The following CAB39L variants were observed in gnomAD, a reference collection of about 807,000 sequenced individuals.
CAB39L encodes the protein calcium binding protein 39 like, also known as calcium-binding protein 39-like.
CAB39L carries 23 observed loss-of-function variants against 39.1 expected under a neutral mutation model. The observed-to-expected ratio is 0.59, with a 90% CI of 0.42 to 0.83. The LOEUF is 0.83. CAB39L is among the 40% of genes least tolerant of loss of function. The pLI is 0.00. For missense variants in CAB39L, 366 were observed against 391.9 expected, an observed-to-expected ratio of 0.93 and a Z score of 0.56; for synonymous variants, 126 against 137.2, an observed-to-expected ratio of 0.92 and a Z score of 0.57.
At chr13:49,314,163 G>A (rs147159996) in intron 10 of CAB39L, among the ~76,000 whole-genome samples, 110 of 152,260 alleles carry the variant, frequency 7.2e-4, no homozygotes, top group African/African-American at 2.3e-3. Flanking sequence ...GGGACAGGAC[G>A]TGGGAGCAAC....
chr13:49,393,854 TA>T (rs1212500714), intron 3 of CAB39L, among the ~76,000 whole-genome samples: 2 of 151,840 alleles, frequency 1.3e-5, no homozygotes, highest in African/African-American at 4.8e-5. Context: ...TAACAAATTT[TA>T]AAAAGGAAAA....
intron 5 of CAB39L, among the ~76,000 whole-genome samples, chr13:49,371,570 A>G (rs535041663): frequency 6.6e-6 from 1 of 152,272 alleles, no homozygotes; most frequent in African/African-American, 2.4e-5. Context: ...TGAAAAGTGG[A>G]AAAGTTGATC....
At position 49,405,671 on chromosome 13, in the gene CAB39L, G is replaced by A. The variant is rs146615129; in HGVS notation, c.-31-22730C>T. Reference sequence around the variant, plus strand: ...GATTGAACCACTGCACTCCAGCCTGGGTGACAGAGCAAGACCCTGCTGAAA... The same window carrying A: ...GATTGAACCACTGCACTCCAGCCTGAGTGACAGAGCAAGACCCTGCTGAAA... On this transcript the variant is annotated intron_variant, in intron 3 of 10. Coordinates refer to ENST00000409308, the MANE Select transcript of CAB39L (RefSeq NM_001079670.3). Among the ~76,000 whole-genome samples the A allele has an allele frequency of 5.8e-3, 808 of 138,154 alleles. 2 individuals are homozygous for A. Among genetic ancestry groups the A allele is most frequent in the Non-Finnish European group, 8.5e-3 (543 of 63,656 alleles). The allele number at this position is 138,154 out of a possible 152,430, so 90.6% of individuals were successfully genotyped here.
At chr13:49,394,258 A>G (rs1384082668) in intron 3 of CAB39L, among the ~76,000 whole-genome samples, 1 of 152,030 alleles carries the variant, frequency 6.6e-6, no homozygotes, top group Non-Finnish European at 1.5e-5. Flanking sequence ...AAAACCATAA[A>G]TGAGGAATTA....
chr13:49,309,884 G>T lies in CAB39L; in HGVS notation c.*930C>A, dbSNP rs1006347217. The T allele has an allele frequency of 2.6e-5, 4 of 152,146 alleles. No homozygotes were observed. In the South Asian group the frequency reaches 8.3e-4, roughly 32 times the overall value. 9.4% of individuals were successfully genotyped at this position (152,146 alleles called of 1,614,324 possible). On this transcript the variant is annotated 3_prime_UTR_variant, in exon 11 of 11. Transcript: ENST00000409308. ...TCTCCTTCCAATGGTTATTGATACT[G>T]ATAGAAGTTCCCCGCTGAGACTCCC...
At chr13:49,439,920 G>GTTTTTT (rs1270438947) in intron 1 of CAB39L, among the ~76,000 whole-genome samples, 7 of 41,356 alleles carry the variant, frequency 1.7e-4, no homozygotes, top group African/African-American at 5.4e-4. Context: ...CTTTTTAATG[G>GTTTTTT]GTTTTTTTTT....
intron 10 of CAB39L, among the ~76,000 whole-genome samples, chr13:49,311,615 G>A (rs1481542967): frequency 6.6e-6 from 1 of 152,192 alleles, no homozygotes; most frequent in Non-Finnish European, 1.5e-5. Context: ...GGTGGAAGCA[G>A]TGATACTGAT....
At chr13:49,329,546 T>A (rs964871098) in intron 10 of CAB39L, among the ~76,000 whole-genome samples, 1,778 of 8,594 alleles carry the variant, frequency 0.21, 334 homozygotes, top group East Asian at 0.52. Context: ...AAAAAAAAAA[T>A]ATATATATAT....
chr13:49,371,677 G>A (rs1465962021), intron 5 of CAB39L, among the ~76,000 whole-genome samples: 1 of 151,900 alleles, frequency 6.6e-6, no homozygotes. Context: ...GCTCACTGTA[G>A]CCTCAACCAC....
At chr13:49,370,707 A>G (rs1955896145) in intron 5 of CAB39L, among the ~76,000 whole-genome samples, 1 of 152,224 alleles carries the variant, frequency 6.6e-6, no homozygotes. Flanking sequence ...TATGCAGATT[A>G]CATTCCTTAA....
rs1339411663 is a variant in CAB39L at position 49,433,960 on chromosome 13, C to T, written c.-108+126G>A. 12 of 326,566 alleles carry T rather than the reference C, an allele frequency of 3.7e-5. No individual in the cohort carries two copies. In the Admixed American group the frequency reaches 5.5e-4, roughly 15 times the overall value. The allele number at this position is 326,566 out of a possible 1,614,324, so 20.2% of individuals were successfully genotyped here. ...CCTGCTAGATTTTTTCTTTTCTACT[C>T]CACCACTTTTAGTTCGCACCTTTAC... On this transcript the variant is annotated intron_variant, in intron 2 of 10. Transcript: ENST00000409308.
intron 1 of CAB39L, among the ~76,000 whole-genome samples, chr13:49,437,788 G>T (rs1479972534): frequency 6.6e-6 from 1 of 152,142 alleles, no homozygotes; most frequent in African/African-American, 2.4e-5. Context: ...ACCTTCAGAA[G>T]CGAAATTTAA....
intron 10 of CAB39L, 130 bp downstream of exon 10, chr13:49,331,817 A>G (rs558917935): frequency 2.4e-6 from 2 of 835,628 alleles, no homozygotes; most frequent in South Asian, 4.1e-5. Context: ...CATCTAAATC[A>G]TGCAAAACAC....
chr13:49,418,922 T>C (rs1957126784), intron 3 of CAB39L, among the ~76,000 whole-genome samples: 1 of 152,212 alleles, frequency 6.6e-6, no homozygotes, highest in Non-Finnish European at 1.5e-5. Flanking sequence ...ACCTCATGTA[T>C]ATTTGAAAAG....
At chr13:49,332,768 T>C (rs1322173811) in intron 9 of CAB39L, among the ~76,000 whole-genome samples, 1 of 151,924 alleles carries the variant, frequency 6.6e-6, no homozygotes, top group African/African-American at 2.4e-5. Context: ...TTGCTCTATC[T>C]TAGAAACTTT....
At chr13:49,408,577 T>G (rs1956928759) in intron 3 of CAB39L, among the ~76,000 whole-genome samples, 1 of 152,162 alleles carries the variant, frequency 6.6e-6, no homozygotes, top group Non-Finnish European at 1.5e-5. Flanking sequence ...CTCACCCCTG[T>G]AATCTCAGCA....
chr13:49,344,224 T>A lies in CAB39L; in HGVS notation c.579A>T (p.Arg193Ser). The change falls in exon 8 of 11, where the codon AGA becomes AGT. Residue 193 changes from arginine to serine, a missense_variant. Transcript: ENST00000409308. ...AGAAGTCTGCTACCAACACTTTATG[T>A]CTGGTTAGTAAATCCTAGAAAAAGA... ...AFATFKDLLTRHKVLVADFLE... is the reference protein window; with the variant it reads ...AFATFKDLLTSHKVLVADFLE... 7 of 1,594,670 alleles carry A rather than the reference T, an allele frequency of 4.4e-6. No individual in the cohort carries two copies. Among genetic ancestry groups the A allele is most frequent in the Non-Finnish European group, 6.0e-6 (7 of 1,162,906 alleles).
At chr13:49,392,976 C>T (rs1956521122) in intron 3 of CAB39L, 1 of 151,812 alleles carries the variant, frequency 6.6e-6, no homozygotes, top group African/African-American at 2.4e-5. Context: ...AATCTTAGCT[C>T]AATTTACAAA....
At chr13:49,359,983 A>AC in intron 5 of CAB39L, 151 bp from the exon 6 acceptor site, 1 of 560,638 alleles carries the variant, frequency 1.8e-6, no homozygotes, top group Non-Finnish European at 3.1e-6. Flanking sequence ...CTTCCCATAG[A>AC]CCCCTAACAA....
Sources: allele counts gnomAD v4.1 joint callset (sites outside exome capture counted in the v4.1 genomes callset), GRCh38; gene constraint gnomAD v4.1.1; transcripts MANE v1.5; gene names NCBI Gene and HGNC (gene_info 2026-07-23, HGNC 2026-07-21).